The following ADAMTSL1 variants were observed in gnomAD, a reference collection of about 807,000 sequenced individuals.
ADAMTSL1 encodes the protein ADAMTS-like protein 1.
Under a neutral mutation model 201.8 loss-of-function variants are expected in ADAMTSL1, and 126 were observed. The observed-to-expected ratio is 0.62, with a 90% CI of 0.54 to 0.72. ADAMTSL1 has a LOEUF of 0.72. Among genes scored for constraint, ADAMTSL1 ranks in the 30% least tolerant of loss-of-function variants. The probability of loss-of-function intolerance (pLI) is 0.00; values close to 1 mark genes in which losing one functional copy is unlikely to be tolerated. For missense variants in ADAMTSL1, 2,679 were observed against 2,277.8 expected, an observed-to-expected ratio of 1.18 and a Z score of -3.59; for synonymous variants, 1,121 against 903.4, an observed-to-expected ratio of 1.24 and a Z score of -4.32.
chr9:18,770,058 A>G (rs757370780), intron 16 of ADAMTSL1, among the ~76,000 whole-genome samples: 13 of 152,194 alleles, frequency 8.5e-5, no homozygotes, highest in Admixed American at 4.6e-4. Context: ...GCCCTAAGAA[A>G]TCATCAGTCC....
At chr9:18,070,795 G>T (rs914043510) in intron 1 of ADAMTSL1, among the ~76,000 whole-genome samples, 9 of 152,128 alleles carry the variant, frequency 5.9e-5, no homozygotes, top group African/African-American at 2.2e-4. Flanking sequence ...GTGTGGAGAT[G>T]ATGCAGGATG....
intron 2 of ADAMTSL1, among the ~76,000 whole-genome samples, chr9:18,168,731 C>T (rs1448425191): frequency 9.0e-5 from 13 of 144,916 alleles, no homozygotes; most frequent in South Asian, 2.3e-4. Context: ...AACTAGTTTA[C>T]AGTCCCACCA....
intron 15 of ADAMTSL1, among the ~76,000 whole-genome samples, chr9:18,752,436 A>G (rs1819519466): frequency 6.6e-6 from 1 of 152,234 alleles, no homozygotes; most frequent in Non-Finnish European, 1.5e-5. Context: ...TTTGTGCCTC[A>G]GACTGTAAAC....
intron 15 of ADAMTSL1, 91 bp downstream of exon 15, chr9:18,721,756 A>C: frequency 6.7e-7 from 1 of 1,491,932 alleles, no homozygotes; most frequent in Non-Finnish European, 9.0e-7. Context: ...CTTATTTGTT[A>C]CTCAGTGTTT....
chr9:18,242,038 G>T (rs1279847632), intron 2 of ADAMTSL1, among the ~76,000 whole-genome samples: 1 of 152,030 alleles, frequency 6.6e-6, no homozygotes, highest in Non-Finnish European at 1.5e-5. Flanking sequence ...TGATACCTAA[G>T]CCAGACAAAG....
chr9:17,933,165 C>T (rs1365317525), intron 1 of ADAMTSL1, among the ~76,000 whole-genome samples: 1 of 152,104 alleles, frequency 6.6e-6, no homozygotes. Flanking sequence ...TGCTCCCTAC[C>T]GTGGCCCTGG....
chr9:18,108,519 G>A (rs2131872585), intron 1 of ADAMTSL1, among the ~76,000 whole-genome samples: 1 of 152,076 alleles, frequency 6.6e-6, no homozygotes, highest in African/African-American at 2.4e-5. Flanking sequence ...GATCTTAAAG[G>A]CTCTTGGAAG....
chr9:18,368,911 T>C (rs1344948375), intron 2 of ADAMTSL1, among the ~76,000 whole-genome samples: 1 of 152,220 alleles, frequency 6.6e-6, no homozygotes, highest in East Asian at 1.9e-4. Flanking sequence ...AACATGGTAG[T>C]TCACAGATGG....
chr9:18,535,536 T>C (rs1819712608), intron 3 of ADAMTSL1, among the ~76,000 whole-genome samples: 1 of 152,186 alleles, frequency 6.6e-6, no homozygotes, highest in Admixed American at 6.5e-5. Context: ...TAAAGTCACT[T>C]CCACATTTTC....
chr9:18,850,901 G>A (rs1826450945), intron 23 of ADAMTSL1, among the ~76,000 whole-genome samples: 1 of 152,194 alleles, frequency 6.6e-6, no homozygotes, highest in Non-Finnish European at 1.5e-5. Flanking sequence ...TGCCCACCCA[G>A]CTCACAGAAC....
intron 1 of ADAMTSL1, among the ~76,000 whole-genome samples, chr9:18,020,307 C>T (rs1268193418): frequency 2.6e-5 from 4 of 152,014 alleles, no homozygotes; most frequent in African/African-American, 9.7e-5. Context: ...ACAAATATAG[C>T]ACTGCAAAAG....
At chr9:18,008,096 T>C (rs747113524) in intron 1 of ADAMTSL1, among the ~76,000 whole-genome samples, 6 of 152,016 alleles carry the variant, frequency 3.9e-5, no homozygotes, top group Non-Finnish European at 7.4e-5. Context: ...TTGTGAGATA[T>C]TTAGGTCATG....
At chr9:18,010,420 A>G (rs894765213) in intron 1 of ADAMTSL1, among the ~76,000 whole-genome samples, 1 of 152,062 alleles carries the variant, frequency 6.6e-6, no homozygotes, top group African/African-American at 2.4e-5. Context: ...TGGAAAAGGA[A>G]CACATCGAAA....
At chr9:18,730,043 T>G (rs1442696692) in intron 15 of ADAMTSL1, among the ~76,000 whole-genome samples, 2 of 152,160 alleles carry the variant, frequency 1.3e-5, no homozygotes, top group South Asian at 2.1e-4. Flanking sequence ...TTTTTTTTTC[T>G]AAGTTTTTTG....
Position 18,013,196 on chromosome 9 carries a change from A to G in ADAMTSL1, c.87+106274A>G, listed in dbSNP as rs1820125684. 2.0e-5 allele frequency among the ~76,000 whole-genome samples: 3 copies of G among 152,150 alleles called. No homozygotes were observed. In the South Asian group the frequency reaches 6.2e-4, roughly 32 times the overall value. On this transcript the variant is annotated intron_variant, in intron 1 of 29. Transcript: ENST00000680146. Reference sequence around the variant, plus strand: ...AATGATGATCATAATTACAATAATAATTTTACATGTGCAGCTTCTTATATG... The same window carrying G: ...AATGATGATCATAATTACAATAATAGTTTTACATGTGCAGCTTCTTATATG...
rs1306155602 is a variant in ADAMTSL1, at chr9:18,254,978, AG to A, written c.207+90999del. ...AGCTCACCTGCGTTTGATGATCTAT[AG>A]GTTATATTTTTTCTGTATTTAAAGT... On this transcript the variant is annotated intron_variant, in intron 2 of 29. Transcript: ENST00000680146. Among the ~76,000 whole-genome samples the A allele has an allele frequency of 3.3e-5, 5 of 152,028 alleles. No individual in the cohort carries two copies. The East Asian group carries it at 9.7e-4, about 29-fold the overall frequency.
intron 1 of ADAMTSL1, among the ~76,000 whole-genome samples, chr9:18,136,969 C>T (rs1186083176): frequency 6.6e-6 from 1 of 152,072 alleles, no homozygotes; most frequent in Non-Finnish European, 1.5e-5. Context: ...CAGGACAAGG[C>T]CTGAACTCTG....
At chr9:18,540,599 C>G (rs1280312998) in intron 3 of ADAMTSL1, among the ~76,000 whole-genome samples, 1 of 152,124 alleles carries the variant, frequency 6.6e-6, no homozygotes, top group African/African-American at 2.4e-5. Context: ...GCTGAAGAGC[C>G]TGAACTTAGC....
At chr9:18,220,759 C>T (rs1195776174) in intron 2 of ADAMTSL1, among the ~76,000 whole-genome samples, 1 of 151,798 alleles carries the variant, frequency 6.6e-6, no homozygotes, top group East Asian at 1.9e-4. Context: ...TTTACTTATA[C>T]TTTTTAAATT....
Sources: gnomAD v4.1 joint callset for allele counts (sites outside exome capture counted in the v4.1 genomes callset) on GRCh38, gnomAD v4.1.1 for gene constraint, MANE v1.5 for transcripts, NCBI Gene and HGNC (gene_info 2026-07-23, HGNC 2026-07-21) for gene names.